Variants in AGBL1 observed in about 807,000 individuals in gnomAD.
The protein encoded by AGBL1 is AGBL carboxypeptidase 1.
A neutral mutation model predicts 118.9 loss-of-function variants in AGBL1; 130 were observed. The observed-to-expected ratio is 1.09, with a 90% CI of 0.95 to 1.26. The LOEUF is 1.26. Ranked by LOEUF, AGBL1 falls within the 50% of genes most tolerant of loss-of-function variation. The pLI, the probability that AGBL1 is intolerant of heterozygous loss-of-function variation, is 0.00. For missense variants in AGBL1, 1,584 were observed against 1,298.1 expected, an observed-to-expected ratio of 1.22 and a Z score of -3.38; for synonymous variants, 555 against 478.9, an observed-to-expected ratio of 1.16 and a Z score of -2.08.
At chr15:86,419,653 C>G (rs2081758687) in intron 18 of AGBL1, among the ~76,000 whole-genome samples, 1 of 152,004 alleles carries the variant, frequency 6.6e-6, no homozygotes, top group Non-Finnish European at 1.5e-5. Context: ...AGCCAGGGAG[C>G]CAAGTGGCCT....
chr15:86,652,983 T>A (rs1416939806), intron 21 of AGBL1, among the ~76,000 whole-genome samples: 1 of 152,190 alleles, frequency 6.6e-6, no homozygotes, highest in Non-Finnish European at 1.5e-5. Context: ...CAAATAATTT[T>A]ATGACCCAAA....
chr15:86,522,148 C>G (rs1206945873), intron 18 of AGBL1, among the ~76,000 whole-genome samples: 1 of 152,046 alleles, frequency 6.6e-6, no homozygotes, highest in Non-Finnish European at 1.5e-5. Flanking sequence ...CATCATTCCC[C>G]CAAATAAGGG....
chr15:86,238,418 C>G (rs769679431), intron 6 of AGBL1, among the ~76,000 whole-genome samples: 2 of 152,198 alleles, frequency 1.3e-5, no homozygotes, highest in African/African-American at 4.8e-5. Context: ...ATAATTTACT[C>G]TCTGCCTAGC....
chr15:86,144,632 G>A (rs2077008752), intron 3 of AGBL1, among the ~76,000 whole-genome samples: 1 of 152,154 alleles, frequency 6.6e-6, no homozygotes, highest in South Asian at 2.1e-4. Context: ...TGGACACACA[G>A]AGGGGAACAA....
At chr15:86,414,355 G>A (rs2081661161) in intron 18 of AGBL1, among the ~76,000 whole-genome samples, 2 of 152,144 alleles carry the variant, frequency 1.3e-5, no homozygotes, top group Non-Finnish European at 2.9e-5. Flanking sequence ...AGAGTTCTGT[G>A]TAGAGATGGT....
chr15:86,676,173 G>A (rs981116552), intron 22 of AGBL1, among the ~76,000 whole-genome samples: 7 of 152,138 alleles, frequency 4.6e-5, no homozygotes, highest in Non-Finnish European at 7.4e-5. Context: ...CCTGAACACA[G>A]GATGTGATTA....
In AGBL1 at chr15:86,256,964, G is replaced by A; in HGVS notation, c.847G>A (p.Ala283Thr). ...CTTGGTCACAGCCAGCAGTGCCTAT[G>A]CCTTCCCGGTCCCCGGGTGCATCAC... ...LPLVTASSAYAFPVPGCITTE... is the reference protein window; with the variant it reads ...LPLVTASSAYTFPVPGCITTE... The change falls in exon 8 of 23, where the codon GCC becomes ACC. Residue 283 changes from alanine to threonine, a missense_variant. Coordinates refer to ENST00000614907, the MANE Select transcript of AGBL1 (RefSeq NM_001386094.1). 2 of 1,613,968 alleles carry A rather than the reference G, an allele frequency of 1.2e-6. No homozygotes were observed. The highest frequency in any genetic ancestry group is 1.7e-6 in the Non-Finnish European group (2 of 1,179,874).
At chr15:86,491,509 G>A (rs2082778657) in intron 18 of AGBL1, among the ~76,000 whole-genome samples, 3 of 152,064 alleles carry the variant, frequency 2.0e-5, no homozygotes, top group African/African-American at 7.2e-5. Flanking sequence ...GATCACTTTG[G>A]CTAGTGTATA....
At chr15:86,102,893 C>G (rs1325600762) in intron 1 of AGBL1, among the ~76,000 whole-genome samples, 1 of 151,702 alleles carries the variant, frequency 6.6e-6, no homozygotes, top group African/African-American at 2.4e-5. Flanking sequence ...TTTCTATTGT[C>G]TTTCTATTTT....
chr15:86,481,853 T>A (rs2142124726), intron 18 of AGBL1, among the ~76,000 whole-genome samples: 1 of 152,242 alleles, frequency 6.6e-6, no homozygotes, highest in Non-Finnish European at 1.5e-5. Context: ...AGATATTGTC[T>A]GACTCAAGAC....
chr15:86,669,601 T>G (rs962188636), intron 21 of AGBL1, among the ~76,000 whole-genome samples: 8 of 152,170 alleles, frequency 5.3e-5, no homozygotes, highest in Admixed American at 1.3e-4. Flanking sequence ...AATTTAAATC[T>G]ACTTCAGAAA....
chr15:86,422,273 A>T (rs2081801786), intron 18 of AGBL1, among the ~76,000 whole-genome samples: 2 of 152,234 alleles, frequency 1.3e-5, no homozygotes, highest in African/African-American at 4.8e-5. Flanking sequence ...CAATCAAATT[A>T]GATCTCGGGA....
At chr15:86,814,865 A>G (rs1339076227) in intron 22 of AGBL1, among the ~76,000 whole-genome samples, 1 of 152,164 alleles carries the variant, frequency 6.6e-6, no homozygotes, top group Non-Finnish European at 1.5e-5. Context: ...AAAAATACCT[A>G]CTATGTTCTT....
At chr15:86,866,552 A>G (rs1004098137) in intron 22 of AGBL1, among the ~76,000 whole-genome samples, 2 of 152,312 alleles carry the variant, frequency 1.3e-5, no homozygotes, top group East Asian at 3.9e-4. Context: ...CAAATCAACA[A>G]TAAATAGAAT....
chr15:86,271,870 C>T (rs11855031), intron 15 of AGBL1, among the ~76,000 whole-genome samples, 164 bp downstream of exon 15: 30,103 of 152,200 alleles, frequency 0.2, 3,411 homozygotes, highest in Non-Finnish European at 0.25. Context: ...GAGATATAAG[C>T]ATATTCACTG....
chr15:86,625,053 C>T (rs2084862953), intron 21 of AGBL1, among the ~76,000 whole-genome samples: 2 of 152,136 alleles, frequency 1.3e-5, no homozygotes, highest in Admixed American at 6.6e-5. Flanking sequence ...CACGCAGCAC[C>T]GGCTCCCTCA....
intron 17 of AGBL1, among the ~76,000 whole-genome samples, chr15:86,396,162 T>A (rs1331564971): frequency 7.4e-6 from 1 of 135,256 alleles, no homozygotes; most frequent in Non-Finnish European, 1.6e-5. Context: ...TATATATATA[T>A]AAAATCATAT....
intron 21 of AGBL1, among the ~76,000 whole-genome samples, chr15:86,667,079 T>G (rs530894785): frequency 6.6e-6 from 1 of 152,304 alleles, no homozygotes; most frequent in African/African-American, 2.4e-5. Context: ...TATGTTAACA[T>G]CTATACTAGC....
chr15:86,439,991 A>G (rs545786662), intron 18 of AGBL1, among the ~76,000 whole-genome samples: 1 of 152,132 alleles, frequency 6.6e-6, no homozygotes, highest in African/African-American at 2.4e-5. Context: ...TTTAGCCATA[A>G]TTTTTTCCCT....
Sources: gnomAD v4.1 joint callset for allele counts (sites outside exome capture counted in the v4.1 genomes callset) on GRCh38, gnomAD v4.1.1 for gene constraint, MANE v1.5 for transcripts, NCBI Gene and HGNC (gene_info 2026-07-23, HGNC 2026-07-21) for gene names.